Variants in C1QTNF3 observed in about 807,000 individuals in gnomAD.
The protein encoded by C1QTNF3 is C1q and TNF related 3.
C1QTNF3 carries 26 observed loss-of-function variants against 32.6 expected under a neutral mutation model. That is an observed-to-expected ratio of 0.80 (90% CI 0.58 to 1.11). The LOEUF (loss-of-function observed/expected upper bound fraction) is 1.11, where lower values mean the gene tolerates loss of function less well. Ranked by LOEUF, C1QTNF3 falls within the 50% of genes least tolerant of loss-of-function variation. The pLI, the probability that C1QTNF3 is intolerant of heterozygous loss-of-function variation, is 0.00. For missense variants in C1QTNF3, 362 were observed against 398.2 expected (o/e 0.91, Z 0.77); for synonymous variants, 155 against 146.0 (o/e 1.06, Z -0.44).
chr5:34,026,196 C>T (rs1012377262), intron 4 of C1QTNF3, among the ~76,000 whole-genome samples: 3 of 152,138 alleles, frequency 2.0e-5, no homozygotes, highest in African/African-American at 2.4e-5. Context: ...CTGCCAAATG[C>T]CCCTGAGGGT....
At chr5:34,168,614 T>A in the C1QTNF3 span, 4 of 151,724 alleles carry the variant, frequency 2.6e-5, no homozygotes, top group African/African-American at 9.7e-5. Context: ...GAACAGCACC[T>A]CACTATGCTT....
chr5:34,045,971 C>T (rs1382731549), upstream of C1QTNF3, among the ~76,000 whole-genome samples: 1 of 152,076 alleles, frequency 6.6e-6, no homozygotes, highest in African/African-American at 2.4e-5. Context: ...AAATAGACAC[C>T]AGGCCTGAAG....
At chr5:34,022,435 G>A (rs1388605004) in intron 5 of C1QTNF3, among the ~76,000 whole-genome samples, 2 of 152,166 alleles carry the variant, frequency 1.3e-5, no homozygotes, top group Non-Finnish European at 2.9e-5. Context: ...AGGAGCCAAA[G>A]AGAAAAACAG....
chr5:34,169,835 T>G, the C1QTNF3 span, among the ~76,000 whole-genome samples: 1 of 152,150 alleles, frequency 6.6e-6, no homozygotes, highest in Non-Finnish European at 1.5e-5. Context: ...ACATTGAGAA[T>G]GTACAATGAT....
At chr5:34,134,780 G>A in the C1QTNF3 span, among the ~76,000 whole-genome samples, 5 of 152,204 alleles carry the variant, frequency 3.3e-5, no homozygotes. Context: ...TTTGTATCCT[G>A]AGACTTTGCT....
chr5:34,213,897 C>T, the C1QTNF3 span, among the ~76,000 whole-genome samples: 63 of 138,716 alleles, frequency 4.5e-4, 1 homozygote, highest in Non-Finnish European at 4.8e-4. Flanking sequence ...CTGCAACCTC[C>T]GCTTCCAAGG....
At chr5:34,228,123 G>A in the C1QTNF3 span, among the ~76,000 whole-genome samples, 4 of 151,606 alleles carry the variant, frequency 2.6e-5, no homozygotes, top group African/African-American at 4.8e-5. Context: ...CAACCTTTTC[G>A]GAAGGTAGAA....
the C1QTNF3 span, among the ~76,000 whole-genome samples, chr5:34,076,449 T>C: frequency 6.6e-6 from 1 of 151,610 alleles, no homozygotes; most frequent in Non-Finnish European, 1.5e-5. Flanking sequence ...TCCAGTAATA[T>C]GTGTATATAA....
the C1QTNF3 span, among the ~76,000 whole-genome samples, chr5:34,213,097 C>G: frequency 6.6e-6 from 1 of 152,166 alleles, no homozygotes; most frequent in Non-Finnish European, 1.5e-5. Flanking sequence ...CAATAGAACA[C>G]TACCATAGGT....
the C1QTNF3 span, among the ~76,000 whole-genome samples, chr5:34,164,126 G>A: frequency 1.3e-5 from 2 of 152,090 alleles, no homozygotes; most frequent in Admixed American, 6.6e-5. Flanking sequence ...TTTGGGAGGC[G>A]AACATTAAAC....
chr5:34,082,879 T>C, the C1QTNF3 span, among the ~76,000 whole-genome samples: 2 of 151,944 alleles, frequency 1.3e-5, no homozygotes, highest in South Asian at 4.1e-4. Flanking sequence ...TGAATACATA[T>C]GTACATATGT....
chr5:34,133,487 G>A, the C1QTNF3 span, among the ~76,000 whole-genome samples: 1 of 152,204 alleles, frequency 6.6e-6, no homozygotes, highest in Non-Finnish European at 1.5e-5. Flanking sequence ...TGAAGCAGCA[G>A]TACCCCAAAG....
At chr5:34,116,485 A>G in the C1QTNF3 span, among the ~76,000 whole-genome samples, 50 of 143,164 alleles carry the variant, frequency 3.5e-4, 1 homozygote, top group East Asian at 8.3e-3. Flanking sequence ...ATATTTATCT[A>G]AAGTATCTTT....
chr5:34,205,461 GATA>G, the C1QTNF3 span, among the ~76,000 whole-genome samples: 3 of 152,176 alleles, frequency 2.0e-5, no homozygotes, highest in Admixed American at 6.5e-5. Flanking sequence ...CTGTTCTTGT[GATA>G]ATGAGTTAGT....
the C1QTNF3 span, among the ~76,000 whole-genome samples, chr5:34,070,120 C>A: frequency 6.6e-6 from 1 of 152,128 alleles, no homozygotes; most frequent in Non-Finnish European, 1.5e-5. Context: ...AGCCTACATT[C>A]CAGCCACAGT....
chr5:34,139,620 GACAAACTGCATCA>G, the C1QTNF3 span, among the ~76,000 whole-genome samples: 1 of 151,436 alleles, frequency 6.6e-6, no homozygotes, highest in South Asian at 2.1e-4. Context: ...TTTTTTACTT[GACAAACTGCATCA>G]ACTAAAACTT....
chr5:34,114,860 G>C, the C1QTNF3 span, among the ~76,000 whole-genome samples: 1 of 152,008 alleles, frequency 6.6e-6, no homozygotes, highest in Non-Finnish European at 1.5e-5. Flanking sequence ...AAAATATCCA[G>C]TATAGAATAT....
intron 3 of C1QTNF3, among the ~76,000 whole-genome samples, chr5:34,031,691 C>T (rs533176124): frequency 9.2e-5 from 14 of 152,138 alleles, no homozygotes; most frequent in African/African-American, 2.7e-4. Flanking sequence ...AAAAATTAGC[C>T]GGGCATGGTG....
intron 5 of C1QTNF3, among the ~76,000 whole-genome samples, chr5:34,021,843 G>C (rs1004745024): frequency 2.6e-5 from 4 of 152,164 alleles, no homozygotes; most frequent in East Asian, 1.9e-4. Context: ...ATGATGAGTT[G>C]ATAGGTGCAG....
Sources: allele counts gnomAD v4.1 joint callset (sites outside exome capture counted in the v4.1 genomes callset), GRCh38; gene constraint gnomAD v4.1.1; transcripts MANE v1.5; gene names NCBI Gene and HGNC (gene_info 2026-07-23, HGNC 2026-07-21).